The following ADGRL3 variants were observed in gnomAD, a reference collection of about 807,000 sequenced individuals.
The protein encoded by ADGRL3 is calcium-independent alpha-latrotoxin receptor 3.
In ADGRL3, 62 loss-of-function variants were observed where a neutral mutation model predicts 153.5. The ratio of observed to expected loss-of-function variants is 0.40; its 90% CI spans 0.33 to 0.50. The LOEUF (loss-of-function observed/expected upper bound fraction) is 0.50, where lower values mean the gene tolerates loss of function less well. Ranked by LOEUF, ADGRL3 falls within the 20% of genes least tolerant of loss-of-function variation. The probability of loss-of-function intolerance (pLI) is 0.47; values close to 1 mark genes in which losing one functional copy is unlikely to be tolerated. For synonymous variants in ADGRL3, 710 were observed against 672.5 expected (o/e 1.06, Z -0.86); for missense variants, 1,641 against 1,859.4 (o/e 0.88, Z 2.16).
chr4:61,632,067 C>G (rs1287048502), intron 5 of ADGRL3, among the ~76,000 whole-genome samples: 1 of 152,100 alleles, frequency 6.6e-6, no homozygotes, highest in Non-Finnish European at 1.5e-5. Flanking sequence ...AACACACTCA[C>G]CAAGTCAAAG....
intron 17 of ADGRL3, among the ~76,000 whole-genome samples, chr4:61,952,606 C>T (rs537155622): frequency 6.6e-6 from 1 of 152,132 alleles, no homozygotes; most frequent in African/African-American, 2.4e-5. Flanking sequence ...AATTACCTTA[C>T]CTGTGTCAGC....
In ADGRL3 at chr4:62,071,864, A is replaced by T. The variant is rs1413262457; in HGVS notation, c.*956A>T. The T allele has an allele frequency of 3.0e-6, 1 of 328,774 alleles. No homozygotes were observed. The highest frequency in any genetic ancestry group is 4.4e-5 in the Admixed American group (1 of 22,928). 20.4% of individuals were successfully genotyped at this position (328,774 alleles called of 1,614,324 possible). On this transcript the variant is annotated 3_prime_UTR_variant, in exon 27 of 27. Coordinates refer to ENST00000683033, the MANE Select transcript of ADGRL3 (RefSeq NM_001387552.1). ...AACAAATTATTTTTTACAAAAAAAC[A>T]AAATAAATAAAATTAGACTTCCTTC... is the stretch of plus-strand genomic sequence containing the variant.
chr4:61,354,696 C>G (rs1026549511), intron 1 of ADGRL3, among the ~76,000 whole-genome samples: 4 of 151,886 alleles, frequency 2.6e-5, no homozygotes, highest in South Asian at 4.2e-4. Flanking sequence ...ATAATCTGCC[C>G]ATTACCTCTG....
chr4:61,271,310 C>T (rs2093165642), intron 1 of ADGRL3, among the ~76,000 whole-genome samples: 1 of 151,940 alleles, frequency 6.6e-6, no homozygotes, highest in African/African-American at 2.4e-5. Flanking sequence ...TCTCATCTCA[C>T]ATGAGGTTAT....
At chr4:61,825,522 T>C (rs2097792490) in intron 9 of ADGRL3, among the ~76,000 whole-genome samples, 1 of 152,188 alleles carries the variant, frequency 6.6e-6, no homozygotes, top group Admixed American at 6.5e-5. Context: ...TTAATTATGA[T>C]ACAATTTTAA....
At chr4:61,532,947 G>T (rs1228422039) in intron 4 of ADGRL3, among the ~76,000 whole-genome samples, 2 of 152,000 alleles carry the variant, frequency 1.3e-5, no homozygotes, top group African/African-American at 4.8e-5. Flanking sequence ...ACTGGATTAT[G>T]TTCAGCTTCT....
At chr4:61,562,509 A>G (rs1365263462) in intron 4 of ADGRL3, among the ~76,000 whole-genome samples, 5 of 152,164 alleles carry the variant, frequency 3.3e-5, no homozygotes, top group East Asian at 1.9e-4. Context: ...AGTTTATGCA[A>G]TGTTCTAAAT....
intron 21 of ADGRL3, among the ~76,000 whole-genome samples, chr4:62,002,566 T>TA (rs966632366): frequency 1.6e-4 from 24 of 151,828 alleles, no homozygotes; most frequent in African/African-American, 5.8e-4. Context: ...GAAAAAATAA[T>TA]AAAAAATAGA....
intron 11 of ADGRL3, among the ~76,000 whole-genome samples, chr4:61,904,742 A>G (rs1193922275): frequency 6.6e-6 from 1 of 152,070 alleles, no homozygotes; most frequent in African/African-American, 2.4e-5. Context: ...TTTGTTCTCT[A>G]TTTGATGACT....
intron 1 of ADGRL3, chr4:61,212,201 C>A (rs531564579): frequency 7.2e-5 from 11 of 152,202 alleles, no homozygotes; most frequent in Admixed American, 1.3e-4. Flanking sequence ...GGCATAGGAA[C>A]AAATACAGCA....
chr4:61,938,862 C>CAAA (rs71213019), intron 15 of ADGRL3, among the ~76,000 whole-genome samples: 1,704 of 71,256 alleles, frequency 0.024, 28 homozygotes, highest in East Asian at 0.051. Context: ...CCCTCCTCCT[C>CAAA]AAAAAAAAAA....
intron 8 of ADGRL3, among the ~76,000 whole-genome samples, chr4:61,789,050 C>G (rs1392865907): frequency 6.6e-6 from 1 of 151,888 alleles, no homozygotes; most frequent in African/African-American, 2.4e-5. Flanking sequence ...TCAAAAGAGT[C>G]ATAATATTAG....
chr4:61,609,716 C>T lies in ADGRL3; in HGVS notation c.473+22276C>T, dbSNP rs533452263. Reference sequence around the variant, plus strand: ...GTTATGTCTTAATCCCTCCTTCCCTCGGGCACGCCCTGTGTTATTTTCAAA... The same window carrying T: ...GTTATGTCTTAATCCCTCCTTCCCTTGGGCACGCCCTGTGTTATTTTCAAA... On this transcript the variant is annotated intron_variant, in intron 5 of 26. Transcript: ENST00000683033. Among the ~76,000 whole-genome samples, 48 of 152,150 alleles carry T rather than the reference C, an allele frequency of 3.2e-4. 1 individual carries two copies. The South Asian group carries it at 8.9e-3, about 28-fold the overall frequency.
intron 9 of ADGRL3, among the ~76,000 whole-genome samples, chr4:61,891,923 G>T (rs1171020615): frequency 1.3e-5 from 2 of 152,082 alleles, no homozygotes; most frequent in Non-Finnish European, 2.9e-5. Flanking sequence ...ACCTAACAAA[G>T]AACCTAACTA....
intron 1 of ADGRL3, among the ~76,000 whole-genome samples, chr4:61,257,835 A>AGG (rs1416838452): frequency 1.5e-4 from 16 of 105,532 alleles, no homozygotes; most frequent in Admixed American, 1.4e-3. Context: ...ATTGAATTAG[A>AGG]GGTGTGTGTG....
chr4:61,822,320 C>A (rs1157997289), intron 9 of ADGRL3, among the ~76,000 whole-genome samples: 2 of 152,184 alleles, frequency 1.3e-5, no homozygotes, highest in Non-Finnish European at 2.9e-5. Context: ...AGACAATTCC[C>A]ATTTATTAAG....
At chr4:61,938,895 T>G (rs1237936912) in intron 15 of ADGRL3, among the ~76,000 whole-genome samples, 1 of 151,468 alleles carries the variant, frequency 6.6e-6, no homozygotes. Context: ...AAATTTTTTT[T>G]TTTCCTATCT....
At chr4:61,624,794 A>C (rs1258936079) in intron 5 of ADGRL3, among the ~76,000 whole-genome samples, 2 of 152,084 alleles carry the variant, frequency 1.3e-5, no homozygotes, top group Non-Finnish European at 2.9e-5. Context: ...GTGAAGATAA[A>C]CCATTGTCAT....
intron 2 of ADGRL3, among the ~76,000 whole-genome samples, chr4:61,396,686 G>A (rs2096872356): frequency 6.6e-6 from 1 of 151,874 alleles, no homozygotes; most frequent in African/African-American, 2.4e-5. Flanking sequence ...ATATCATCCA[G>A]GAGGGAAATC....
Sources: gnomAD v4.1 joint callset for allele counts (sites outside exome capture counted in the v4.1 genomes callset) on GRCh38, gnomAD v4.1.1 for gene constraint, MANE v1.5 for transcripts, NCBI Gene and HGNC (gene_info 2026-07-23, HGNC 2026-07-21) for gene names.